Variants in SNX30 observed in about 807,000 individuals in gnomAD.
SNX30 encodes sorting nexin family member 30, also known as sorting nexin-30.
In SNX30, 24 loss-of-function variants were observed where a neutral mutation model predicts 46.4. That is an observed-to-expected ratio of 0.52 (90% CI 0.37 to 0.73). The LOEUF is 0.73. SNX30 is among the 30% of genes least tolerant of loss of function. The pLI, the probability that SNX30 is intolerant of heterozygous loss-of-function variation, is 0.00. For missense variants in SNX30, 533 were observed against 555.7 expected, an observed-to-expected ratio of 0.96 and a Z score of 0.41; for synonymous variants, 189 against 211.5, an observed-to-expected ratio of 0.89 and a Z score of 0.92.
chr9:112,864,129 G>T (rs1012227852), intron 7 of SNX30, 118 bp from the exon 8 acceptor site: 2 of 1,071,820 alleles, frequency 1.9e-6, no homozygotes, highest in Admixed American at 2.2e-5. Flanking sequence ...AGGAGGGAGC[G>T]TGTTGATAGC....
chr9:112,817,959 A>G, intron 3 of SNX30, 144 bp downstream of exon 3: 1 of 582,376 alleles, frequency 1.7e-6, no homozygotes, highest in East Asian at 2.9e-5. Context: ...TGTATACAAT[A>G]CTTCACCTAT....
intron 2 of SNX30, among the ~76,000 whole-genome samples, chr9:112,814,321 A>T (rs944460191): frequency 1.3e-5 from 2 of 152,080 alleles, no homozygotes; most frequent in African/African-American, 4.8e-5. Context: ...GCTAGCTGTA[A>T]CCTCTGCCTC....
At chr9:112,883,589 T>TA (rs932971830), downstream of SNX30, among the ~76,000 whole-genome samples, 5 of 151,732 alleles carry the variant, frequency 3.3e-5, no homozygotes, top group South Asian at 2.1e-4. Context: ...TTATTATCAT[T>TA]AAAAAAAAGA....
At chr9:112,882,898 A>G (rs1451837041), downstream of SNX30, among the ~76,000 whole-genome samples, 2 of 152,194 alleles carry the variant, frequency 1.3e-5, no homozygotes, top group Non-Finnish European at 1.5e-5. Flanking sequence ...TAGAACCCCA[A>G]ACAATTCCTA....
At chr9:112,761,311 T>C (rs1005159888) in intron 1 of SNX30, among the ~76,000 whole-genome samples, 15 of 152,186 alleles carry the variant, frequency 9.9e-5, no homozygotes, top group African/African-American at 2.2e-4. Context: ...TACAGGTGCA[T>C]GCCACCACGC....
intron 6 of SNX30, among the ~76,000 whole-genome samples, chr9:112,843,276 T>C (rs1183574778): frequency 1.3e-5 from 2 of 152,208 alleles, no homozygotes; most frequent in African/African-American, 4.8e-5. Flanking sequence ...GATTGCACAT[T>C]GTACATCTTA....
chr9:112,879,509 G>T, downstream of SNX30: 1 of 468,834 alleles, frequency 2.1e-6, no homozygotes, highest in Admixed American at 3.3e-5. Flanking sequence ...GTCATGCTCT[G>T]CTGTCACAGA....
chr9:112,867,312 ACC>A (rs1841373974), intron 8 of SNX30, among the ~76,000 whole-genome samples: 1 of 79,224 alleles, frequency 1.3e-5, no homozygotes, highest in Non-Finnish European at 2.6e-5. Context: ...AACTCCTCCC[ACC>A]TCCTCAGAAT....
intron 3 of SNX30, among the ~76,000 whole-genome samples, chr9:112,824,071 A>C (rs963708423): frequency 2.0e-5 from 3 of 152,222 alleles, no homozygotes; most frequent in Non-Finnish European, 4.4e-5. Context: ...TAGAAGAAGC[A>C]AGTCATTTGC....
intron 1 of SNX30, among the ~76,000 whole-genome samples, chr9:112,782,368 A>G (rs746309325): frequency 6.6e-6 from 1 of 152,174 alleles, no homozygotes; most frequent in Non-Finnish European, 1.5e-5. Flanking sequence ...GCCCTGCCAT[A>G]AAGTTTTATT....
rs555881690 is a variant in SNX30 at position 112,822,039 on chromosome 9, G to A, written c.459+4224G>A. ...AGTGATCTTCCCACCTCAGCCTCTC[G>A]AATAGCTGGGACTACAGGCACCCTA... is the stretch of plus-strand genomic sequence containing the variant. On this transcript the variant is annotated intron_variant, in intron 3 of 8. Transcript: ENST00000374232. Among the ~76,000 whole-genome samples, 3 of 151,378 alleles carry A rather than the reference G, an allele frequency of 2.0e-5. No individual in the cohort carries two copies. In the South Asian group the frequency reaches 6.3e-4, roughly 32 times the overall value.
intron 1 of SNX30, among the ~76,000 whole-genome samples, chr9:112,794,333 A>G (rs1200371508): frequency 1.3e-5 from 2 of 151,950 alleles, no homozygotes; most frequent in African/African-American, 4.8e-5. Context: ...TTGTATTTTT[A>G]GTAGAGATGG....
At chr9:112,829,762 TTTTG>T (rs980234323) in intron 3 of SNX30, among the ~76,000 whole-genome samples, 9 of 152,200 alleles carry the variant, frequency 5.9e-5, no homozygotes, top group Non-Finnish European at 1.0e-4. Context: ...ACTTGTTTTT[TTTTG>T]TTTGTTTTGT....
chr9:112,787,042 C>T (rs952133193), intron 1 of SNX30, among the ~76,000 whole-genome samples: 7 of 152,128 alleles, frequency 4.6e-5, no homozygotes, highest in African/African-American at 7.2e-5. Flanking sequence ...TGTGGGAATT[C>T]GATCTGGGGC....
intron 2 of SNX30, among the ~76,000 whole-genome samples, chr9:112,808,834 C>T (rs1275958852): frequency 2.0e-5 from 3 of 152,132 alleles, no homozygotes; most frequent in Non-Finnish European, 4.4e-5. Flanking sequence ...ACTGCAATAG[C>T]GTTCCATTGT....
intron 1 of SNX30, among the ~76,000 whole-genome samples, chr9:112,765,867 G>A (rs56911435): frequency 0.18 from 27,472 of 151,954 alleles, 2,806 homozygotes; most frequent in Admixed American, 0.25. Context: ...GCAGTGGCGC[G>A]ATCTCAGCTC....
At chr9:112,846,812 T>C (rs1840945878) in intron 6 of SNX30, among the ~76,000 whole-genome samples, 1 of 152,156 alleles carries the variant, frequency 6.6e-6, no homozygotes, top group Admixed American at 6.5e-5. Context: ...AAAAACTTGG[T>C]GGGCTTGAAG....
At chr9:112,836,469 C>A in intron 5 of SNX30, 60 bp downstream of exon 5, 1 of 1,527,522 alleles carries the variant, frequency 6.5e-7, no homozygotes, top group Non-Finnish European at 8.9e-7. Flanking sequence ...AAATGCCATT[C>A]ATGTGTGCTA....
chr9:112,846,938 G>A (rs1380995387), intron 6 of SNX30, among the ~76,000 whole-genome samples: 2 of 152,192 alleles, frequency 1.3e-5, no homozygotes, highest in Non-Finnish European at 2.9e-5. Flanking sequence ...GAGTCTGAGG[G>A]TGGGGAAGGG....
Sources: gnomAD v4.1 joint callset for allele counts (sites outside exome capture counted in the v4.1 genomes callset) on GRCh38, gnomAD v4.1.1 for gene constraint, MANE v1.5 for transcripts, NCBI Gene and HGNC (gene_info 2026-07-23, HGNC 2026-07-21) for gene names.